The following TET1 variants were observed in gnomAD, a reference collection of about 807,000 sequenced individuals.
TET1 encodes tet methylcytosine dioxygenase 1, also known as methylcytosine dioxygenase TET1.
TET1 carries 13 observed loss-of-function variants against 148.7 expected under a neutral mutation model. That is an observed-to-expected ratio of 0.09 (90% CI 0.06 to 0.14). The LOEUF (loss-of-function observed/expected upper bound fraction) is 0.14, where lower values mean the gene tolerates loss of function less well. Among genes scored for constraint, TET1 ranks in the 10% least tolerant of loss-of-function variants. TET1 has a pLI of 1.00. For synonymous variants in TET1, 907 were observed against 937.2 expected, an observed-to-expected ratio of 0.97 and a Z score of 0.59; for missense variants, 2,182 against 2,553.8, an observed-to-expected ratio of 0.85 and a Z score of 3.14.
intron 8 of TET1, among the ~76,000 whole-genome samples, chr10:68,675,726 G>C (rs1385337302): frequency 6.6e-6 from 1 of 151,916 alleles, no homozygotes; most frequent in Non-Finnish European, 1.5e-5. Context: ...TGGCCAGGCA[G>C]ATTTTTAGAA....
intron 7 of TET1, among the ~76,000 whole-genome samples, chr10:68,671,804 G>A (rs2055276143): frequency 6.6e-6 from 1 of 151,800 alleles, no homozygotes; most frequent in Non-Finnish European, 1.5e-5. Flanking sequence ...TTTTTGAGAT[G>A]GAGTCTTGCT....
intron 6 of TET1, among the ~76,000 whole-genome samples, chr10:68,663,883 G>A (rs556239647): frequency 3.3e-5 from 5 of 151,992 alleles, no homozygotes; most frequent in African/African-American, 1.2e-4. Context: ...CCTCTATGGG[G>A]CTTTGAGCTG....
At chr10:68,652,746 T>G (rs2054956424) in intron 6 of TET1, 152 bp downstream of exon 6, 1 of 516,418 alleles carries the variant, frequency 1.9e-6, no homozygotes, top group Non-Finnish European at 3.3e-6. Context: ...TGGATTGCAG[T>G]GGTGCAATCA....
chr10:68,689,884 C>A (rs1215661745), intron 11 of TET1, among the ~76,000 whole-genome samples: 1 of 152,076 alleles, frequency 6.6e-6, no homozygotes, highest in Non-Finnish European at 1.5e-5. Context: ...CCACAGTTGA[C>A]ATCTTGAGAG....
chr10:68,655,897 G>A (rs974748315), intron 6 of TET1, among the ~76,000 whole-genome samples: 1 of 152,110 alleles, frequency 6.6e-6, no homozygotes, highest in Non-Finnish European at 1.5e-5. Flanking sequence ...AGCTTCATCT[G>A]TATTTACAGC....
chr10:68,581,352 T>C (rs2053795261), intron 2 of TET1, among the ~76,000 whole-genome samples: 1 of 152,184 alleles, frequency 6.6e-6, no homozygotes. Flanking sequence ...TTTCCTTCTA[T>C]GTGTTTGTAA....
intron 11 of TET1, among the ~76,000 whole-genome samples, chr10:68,690,583 C>A (rs1264244068): frequency 1.3e-5 from 2 of 150,540 alleles, no homozygotes; most frequent in Admixed American, 6.6e-5. Context: ...ACTCCGTCTC[C>A]AAAAAAAACA....
chr10:68,578,574 CT>C (rs1201994091), intron 2 of TET1, among the ~76,000 whole-genome samples: 11 of 152,014 alleles, frequency 7.2e-5, no homozygotes, highest in Admixed American at 7.2e-4. Flanking sequence ...TATTTTAATT[CT>C]TTTTTTAAAG....
At chr10:68,608,720 G>A (rs946768775) in intron 3 of TET1, among the ~76,000 whole-genome samples, 19 of 151,740 alleles carry the variant, frequency 1.3e-4, no homozygotes, top group Non-Finnish European at 2.5e-4. Context: ...AGTTTTAGTA[G>A]AGACAGGGTT....
In TET1 at chr10:68,682,866, C is replaced by T. The variant is rs867702783; in HGVS notation, c.4945C>T (p.Arg1649Trp). 6.2e-7 allele frequency: 1 copy of T among 1,613,556 alleles called. No individual in the cohort carries two copies. The highest frequency in any genetic ancestry group is 8.5e-7 in the Non-Finnish European group (1 of 1,179,886). ...VEYENVAREC[R>W]LGSKEGRPFS... ...ATATGAAAATGTTGCCCGAGAATGT[C>T]GGCTTGGCAGCAAGGAAGGTCGTCC... The change falls in exon 10 of 12, where the codon CGG becomes TGG. Residue 1649 changes from arginine to tryptophan, a missense_variant. This residue lies in a region of TET1 where 55 missense variants were observed against 149.8 expected (regional missense o/e 0.37). Coordinates refer to ENST00000373644, the MANE Select transcript of TET1 (RefSeq NM_030625.3).
intron 1 of TET1, among the ~76,000 whole-genome samples, chr10:68,560,990 C>G (rs1278843563): frequency 2.6e-5 from 4 of 152,286 alleles, no homozygotes; most frequent in East Asian, 1.9e-4. Context: ...CCACCCGCTC[C>G]GGAGGCCCCG....
chr10:68,691,616 A>G lies in TET1; in HGVS notation c.6213A>G (p.Lys2071=), dbSNP rs2055595129. Reference sequence around the variant, plus strand: ...TAAACAAGATTAAGTTTGAGGCTAAAGAAGCTAAGAATAAGAAAATGAAGG... The same window carrying G: ...TAAACAAGATTAAGTTTGAGGCTAAGGAAGCTAAGAATAAGAAAATGAAGG... ...FELNKIKFEA[K]EAKNKKMKAS... Residue 2071 remains lysine, a synonymous_variant, in exon 12 of 12, where the codon AAA becomes AAG. Coordinates refer to ENST00000373644, the MANE Select transcript of TET1 (RefSeq NM_030625.3). This position sits in a 1 kb window ranked among gnomAD's most constrained non-coding sequence, Gnocchi z 4.4. The G allele has an allele frequency of 3.7e-6, 6 of 1,614,242 alleles. No homozygotes were observed. The highest frequency in any genetic ancestry group is 5.1e-6 in the Non-Finnish European group (6 of 1,180,048).
intron 3 of TET1, among the ~76,000 whole-genome samples, chr10:68,637,588 C>T (rs1303038910): frequency 7.3e-6 from 1 of 137,346 alleles, no homozygotes; most frequent in Non-Finnish European, 1.5e-5. Flanking sequence ...TGCTGTGGTG[C>T]CATCTTGGCT....
chr10:68,643,900 T>TTTTTTTA (rs1443805169), intron 3 of TET1, among the ~76,000 whole-genome samples: 1 of 151,400 alleles, frequency 6.6e-6, no homozygotes, highest in Admixed American at 6.6e-5. Flanking sequence ...AAGTAGTTTA[T>TTTTTTTA]TTTTTTATTT....
rs930531453 is a variant in TET1 at position 68,645,237 on chromosome 10, A to G, written c.2508A>G (p.Pro836=). 3.1e-6 allele frequency: 5 copies of G among 1,614,054 alleles called. No individual in the cohort carries two copies. The highest frequency in any genetic ancestry group is 1.6e-4 in the Middle Eastern group (1 of 6,062). ...QQPGFNCSSI[P]HSSHSIINHH... ...CTGGCTTTAACTGCAGTTCCATTCCACATTCTTCACACTCCATCATAAATC... is the reference window on the plus strand; with the variant it reads ...CTGGCTTTAACTGCAGTTCCATTCCGCATTCTTCACACTCCATCATAAATC... The change falls in exon 4 of 12, where the codon CCA becomes CCG. Residue 836 remains proline, a synonymous_variant. Transcript: ENST00000373644.
At chr10:68,584,827 CTT>C (rs372954832) in intron 2 of TET1, among the ~76,000 whole-genome samples, 1 of 139,110 alleles carries the variant, frequency 7.2e-6, no homozygotes, top group Admixed American at 7.3e-5. Flanking sequence ...ACACATATCT[CTT>C]TTTTTTTTTT....
rs188515381 is a variant in TET1 at position 68,679,891 on chromosome 10, C to G, written c.4825-1508C>G. Reference sequence around the variant, plus strand: ...GTTTCACCTTGTTGGCCAGGCTGGTCTCGAACTCCTGACCTCAGGTGATCT... The same window carrying G: ...GTTTCACCTTGTTGGCCAGGCTGGTGTCGAACTCCTGACCTCAGGTGATCT... On this transcript the variant is annotated intron_variant, in intron 8 of 11. Coordinates refer to ENST00000373644, the MANE Select transcript of TET1 (RefSeq NM_030625.3). Among the ~76,000 whole-genome samples, 4 of 152,302 alleles carry G rather than the reference C, an allele frequency of 2.6e-5. No homozygotes were observed. The East Asian group carries it at 7.7e-4, about 29-fold the overall frequency.
In TET1 at chr10:68,572,723, C is replaced by A; in HGVS notation, c.385C>A (p.Pro129Thr). Residue 129 changes from proline (P) to threonine (T), a missense_variant, in exon 2 of 12, where the codon CCA becomes ACA. Coordinates refer to ENST00000373644, the MANE Select transcript of TET1 (RefSeq NM_030625.3). Reference protein sequence around the residue: ...PLVVAKSKKVPLSKGLEKQHD... With the variant: ...PLVVAKSKKVTLSKGLEKQHD... Reference sequence around the variant, plus strand: ...GGTCGTAGCCAAATCCAAAAAGGTTCCACTTTCTAAGGGTTTAGAAAAGCA... The same window carrying A: ...GGTCGTAGCCAAATCCAAAAAGGTTACACTTTCTAAGGGTTTAGAAAAGCA... The A allele has an allele frequency of 6.2e-7, 1 of 1,614,144 alleles. No homozygotes were observed. The highest frequency in any genetic ancestry group is 8.5e-7 in the Non-Finnish European group (1 of 1,180,028).
chr10:68,617,314 G>A lies in TET1; in HGVS notation c.1968+16280G>A, dbSNP rs150435794. The stretch of plus-strand genomic sequence containing the variant: ...GCTAGGATTACAGGCGTTAGCCACC[G>A]CGCCTGGCCAATTTTTAAACTTTTT... On this transcript the variant is annotated intron_variant, in intron 3 of 11. Coordinates refer to ENST00000373644, the MANE Select transcript of TET1 (RefSeq NM_030625.3). Among the ~76,000 whole-genome samples, 253 of 151,736 alleles carry A rather than the reference G, an allele frequency of 1.7e-3. 2 individuals are homozygous for A. Among genetic ancestry groups the A allele is most frequent in the African/African-American group, 5.9e-3 (243 of 41,352 alleles).
Sources: allele counts gnomAD v4.1 joint callset (sites outside exome capture counted in the v4.1 genomes callset), GRCh38; gene constraint gnomAD v4.1.1; regional missense constraint gnomAD v4.1.1; non-coding constraint Gnocchi (gnomAD v3.1); transcripts MANE v1.5; gene names NCBI Gene and HGNC (gene_info 2026-07-23, HGNC 2026-07-21).